ULK2: variants seen among roughly 807,000 people sequenced by gnomAD.
ULK2 encodes the protein serine/threonine-protein kinase ULK2.
ULK2 carries 76 observed loss-of-function variants against 127.5 expected under a neutral mutation model. The ratio of observed to expected loss-of-function variants is 0.60; its 90% confidence interval spans 0.50 to 0.72. ULK2 has a LOEUF of 0.72. Ranked by LOEUF, ULK2 falls within the 30% of genes least tolerant of loss-of-function variation. ULK2 has a pLI of 0.00. For synonymous variants in ULK2, 452 were observed against 461.9 expected (o/e 0.98, Z 0.28); for missense variants, 1,144 against 1,295.9 (o/e 0.88, Z 1.80).
chr17:19,840,783 G>C (rs1254485486), intron 9 of ULK2, among the ~76,000 whole-genome samples: 3 of 151,474 alleles, frequency 2.0e-5, no homozygotes, highest in Non-Finnish European at 4.4e-5. Flanking sequence ...CAGCTACTAG[G>C]AAGGCTGAAG....
At position 19,801,862 on chromosome 17, in the gene ULK2, G is replaced by A. The variant is rs978318079; in HGVS notation, c.1356C>T (p.Cys452=). The A allele has an allele frequency of 6.2e-7, 1 of 1,614,108 alleles. No homozygotes were observed. Among genetic ancestry groups the A allele is most frequent in the Non-Finnish European group, 8.5e-7 (1 of 1,179,988 alleles). ...SPMGFLRPGS[C]SPVPADTAQT... ...GTGCTGTGTCTGCTGGTACTGGGGAGCATGATCCCGGCCGGAGGAAGCCCA... is the reference window on the plus strand; with the variant it reads ...GTGCTGTGTCTGCTGGTACTGGGGAACATGATCCCGGCCGGAGGAAGCCCA... Residue 452 remains cysteine (C), a synonymous_variant, in exon 16 of 27, where the codon TGC becomes TGT. Transcript: ENST00000395544.
At chr17:19,832,362 G>A (rs1049889544) in intron 10 of ULK2, among the ~76,000 whole-genome samples, 1 of 151,686 alleles carries the variant, frequency 6.6e-6, no homozygotes, top group Non-Finnish European at 1.5e-5. Context: ...TGACCTCCAG[G>A]GCTCAAGCAA....
At chr17:19,829,826 G>A (rs1030838099) in intron 10 of ULK2, among the ~76,000 whole-genome samples, 6 of 107,418 alleles carry the variant, frequency 5.6e-5, no homozygotes, top group South Asian at 3.4e-4. Context: ...GTGACAGAGC[G>A]AGACTCCATT....
chr17:19,839,203 A>G (rs2041675450), intron 9 of ULK2, among the ~76,000 whole-genome samples: 2 of 152,286 alleles, frequency 1.3e-5, no homozygotes, highest in South Asian at 4.1e-4. Context: ...AATAGTTGTT[A>G]TAATGTTCTC....
rs535351114 is a variant in ULK2 at position 19,801,883 on chromosome 17, G to A, written c.1335C>T (p.Gly445=). The A allele has an allele frequency of 2.5e-6, 4 of 1,613,888 alleles. No homozygotes were observed. Among genetic ancestry groups the A allele is most frequent in the African/African-American group, 1.3e-5 (1 of 75,042 alleles). The stretch of plus-strand genomic sequence containing the variant: ...GGGAGCATGATCCCGGCCGGAGGAA[G>A]CCCATGGGGCTGGTGTTGGACCTTC... The part of the protein sequence containing the change: ...VVRRSNTSPM[G]FLRPGSCSPV... Residue 445 remains glycine, a synonymous_variant, in exon 16 of 27, where the codon GGC becomes GGT. Transcript: ENST00000395544.
At chr17:19,837,521 G>A (rs543217711) in intron 10 of ULK2, among the ~76,000 whole-genome samples, 2 of 152,146 alleles carry the variant, frequency 1.3e-5, no homozygotes, top group Non-Finnish European at 2.9e-5. Flanking sequence ...TTCTGACATC[G>A]ACACTTAGAT....
At chr17:19,846,606 C>T (rs2041889473) in intron 6 of ULK2, 131 bp downstream of exon 6, 12 of 1,067,924 alleles carry the variant, frequency 1.1e-5, no homozygotes, top group South Asian at 1.7e-5. Flanking sequence ...CGCCACTACA[C>T]GCCAGCCTGA....
intron 22 of ULK2, among the ~76,000 whole-genome samples, chr17:19,783,094 C>A (rs1414515869): frequency 6.6e-6 from 1 of 152,062 alleles, no homozygotes; most frequent in African/African-American, 2.4e-5. Context: ...GAGAATAAGC[C>A]AATTGACTTC....
At chr17:19,827,722 A>T (rs1443176374) in intron 10 of ULK2, among the ~76,000 whole-genome samples, 1 of 151,920 alleles carries the variant, frequency 6.6e-6, no homozygotes, top group African/African-American at 2.4e-5. Flanking sequence ...GACCAGCCTG[A>T]CCAACATGGA....
intron 14 of ULK2, among the ~76,000 whole-genome samples, chr17:19,807,126 C>T (rs2087531580): frequency 6.6e-6 from 1 of 152,130 alleles, no homozygotes; most frequent in African/African-American, 2.4e-5. Flanking sequence ...CATAAGAGCT[C>T]CTGTGAAACT....
At chr17:19,858,148 C>T (rs2042170945) in intron 3 of ULK2, among the ~76,000 whole-genome samples, 1 of 152,024 alleles carries the variant, frequency 6.6e-6, no homozygotes, top group South Asian at 2.1e-4. Context: ...GCCTGTAATC[C>T]CAGCACTTTG....
At chr17:19,862,373 G>A (rs118084440) in intron 3 of ULK2, among the ~76,000 whole-genome samples, 216 of 151,960 alleles carry the variant, frequency 1.4e-3, no homozygotes, top group Non-Finnish European at 2.3e-3. Flanking sequence ...TGGATTACAG[G>A]CATGAGCCAT....
chr17:19,785,775 T>C (rs1220207805), intron 21 of ULK2, among the ~76,000 whole-genome samples, 162 bp downstream of exon 21: 3 of 152,146 alleles, frequency 2.0e-5, no homozygotes, highest in Non-Finnish European at 4.4e-5. Flanking sequence ...TTACTTCTTA[T>C]AACCCATTAA....
At chr17:19,839,275 A>G (rs2041677257) in intron 9 of ULK2, among the ~76,000 whole-genome samples, 1 of 152,198 alleles carries the variant, frequency 6.6e-6, no homozygotes, top group African/African-American at 2.4e-5. Context: ...TACAAGTGAG[A>G]ACTAATACAA....
intron 7 of ULK2, 133 bp from the exon 8 acceptor site, chr17:19,843,355 A>C: frequency 1.9e-6 from 1 of 528,540 alleles, no homozygotes. Flanking sequence ...TAGTTCTCTA[A>C]TCAAATAATA....
chr17:19,843,256 CG>C, intron 7 of ULK2, 34 bp from the exon 8 acceptor site: 1 of 1,386,064 alleles, frequency 7.2e-7, no homozygotes, highest in Non-Finnish European at 9.8e-7. Context: ...GCATGCCGTA[CG>C]TTATTTACAT....
rs758382588 is a variant in ULK2 at position 19,826,139 on chromosome 17, A to G, written c.835T>C (p.Ser279Pro). ...GAAAATACAAAAAATGGATACTCACATTTTTTTACTGGACCTTGCTCAAGA... is the reference window on the plus strand; with the variant it reads ...GAAAATACAAAAAATGGATACTCACGTTTTTTTACTGGACCTTGCTCAAGA... ...PFLEQGPVKK[S>P]CPVPVPMYSG... Residue 279 changes from serine (S) to proline (P), a missense_variant and splice_region_variant, in exon 11 of 27, where the codon TCT becomes CCT. Coordinates refer to ENST00000395544, the MANE Select transcript of ULK2 (RefSeq NM_014683.4). 1.4e-6 allele frequency: 2 copies of G among 1,450,108 alleles called. No homozygotes were observed. The highest frequency in any genetic ancestry group is 2.6e-5 in the East Asian group (1 of 39,120). The allele number at this position is 1,450,108 out of a possible 1,614,324, so 89.8% of individuals were successfully genotyped here.
intron 22 of ULK2, among the ~76,000 whole-genome samples, chr17:19,783,032 T>G (rs1312271380): frequency 6.6e-6 from 1 of 152,246 alleles, no homozygotes; most frequent in Non-Finnish European, 1.5e-5. Flanking sequence ...GCCTAAAAGT[T>G]TCCCACTCTT....
intron 12 of ULK2, among the ~76,000 whole-genome samples, chr17:19,824,874 G>C (rs952170429): frequency 6.6e-6 from 1 of 152,220 alleles, no homozygotes; most frequent in East Asian, 1.9e-4. Context: ...AAATGGCCCA[G>C]AGAGGTGACA....
Sources: allele counts gnomAD v4.1 joint callset (sites outside exome capture counted in the v4.1 genomes callset), GRCh38; gene constraint gnomAD v4.1.1; transcripts MANE v1.5; gene names NCBI Gene and HGNC (gene_info 2026-07-23, HGNC 2026-07-21).